The following GPM6A variants were observed in gnomAD, a reference collection of about 807,000 sequenced individuals.
GPM6A encodes glycoprotein M6A.
Under a neutral mutation model 32.1 loss-of-function variants are expected in GPM6A, and 7 were observed. The ratio of observed to expected loss-of-function variants is 0.22; its 90% CI spans 0.12 to 0.41. The LOEUF is 0.41. GPM6A is among the 10% of genes least tolerant of loss of function. GPM6A has a pLI of 1.00. For missense variants in GPM6A, 235 were observed against 347.2 expected, an observed-to-expected ratio of 0.68 and a Z score of 2.57; for synonymous variants, 130 against 123.4, an observed-to-expected ratio of 1.05 and a Z score of -0.35.
At chr4:175,722,887 T>TAAAA (rs33929858) in intron 1 of GPM6A, among the ~76,000 whole-genome samples, 3 of 148,268 alleles carry the variant, frequency 2.0e-5, no homozygotes, top group Admixed American at 6.7e-5. Context: ...ACAAAGAAAT[T>TAAAA]AAAAAAAAAA....
chr4:175,775,002 C>T (rs1004598827), intron 1 of GPM6A, among the ~76,000 whole-genome samples: 10 of 151,854 alleles, frequency 6.6e-5, no homozygotes, highest in Admixed American at 6.6e-4. Context: ...TATGGATGTA[C>T]AATAATATCA....
intron 1 of GPM6A, among the ~76,000 whole-genome samples, chr4:175,795,226 G>C (rs1003238624): frequency 6.6e-5 from 10 of 152,172 alleles, no homozygotes; most frequent in African/African-American, 2.4e-4. Flanking sequence ...AGGATGTAGA[G>C]TTGATTCAAC....
chr4:175,665,337 G>A (rs1467582651), intron 3 of GPM6A, among the ~76,000 whole-genome samples: 2 of 152,044 alleles, frequency 1.3e-5, no homozygotes, highest in Non-Finnish European at 2.9e-5. Flanking sequence ...GAGGGATAGG[G>A]ATTCTGTTTT....
chr4:175,852,705 A>G (rs916340621), intron 1 of GPM6A, among the ~76,000 whole-genome samples: 3 of 152,170 alleles, frequency 2.0e-5, no homozygotes, highest in African/African-American at 7.2e-5. Context: ...ATAGCACTTA[A>G]TTTCCCTCCT....
intron 1 of GPM6A, among the ~76,000 whole-genome samples, chr4:175,874,272 G>A (rs543062044): frequency 6.2e-4 from 94 of 152,248 alleles, no homozygotes; most frequent in African/African-American, 2.2e-3. Context: ...ATTTGTTAGA[G>A]AAAGAAAAAG....
At chr4:175,777,934 TTAAAG>T (rs888088328) in intron 1 of GPM6A, among the ~76,000 whole-genome samples, 22 of 152,214 alleles carry the variant, frequency 1.4e-4, no homozygotes, top group Admixed American at 3.3e-4. Flanking sequence ...AGTTTGACAT[TTAAAG>T]TAATGTTTTT....
At chr4:175,990,949 C>A (rs778807875) in intron 1 of GPM6A, among the ~76,000 whole-genome samples, 8 of 152,030 alleles carry the variant, frequency 5.3e-5, no homozygotes, top group Non-Finnish European at 8.8e-5. Context: ...ACTTACAAAT[C>A]GTATACTTGT....
chr4:175,996,108 G>T (rs1385880802), intron 1 of GPM6A, among the ~76,000 whole-genome samples: 1 of 151,998 alleles, frequency 6.6e-6, no homozygotes. Flanking sequence ...AAAATTTCTA[G>T]GTTGAAACTA....
intron 1 of GPM6A, among the ~76,000 whole-genome samples, chr4:175,705,422 C>T (rs192882077): frequency 6.6e-6 from 1 of 152,310 alleles, no homozygotes; most frequent in African/African-American, 2.4e-5. Context: ...TTTCATCACA[C>T]ACATTTCGCA....
intron 4 of GPM6A, among the ~76,000 whole-genome samples, chr4:175,649,552 T>C (rs1179604870): frequency 6.6e-6 from 1 of 152,160 alleles, no homozygotes; most frequent in Non-Finnish European, 1.5e-5. Flanking sequence ...TACTTAACTA[T>C]TTGCATTTAT....
At chr4:175,697,801 G>A (rs1261526716) in intron 2 of GPM6A, among the ~76,000 whole-genome samples, 1 of 152,124 alleles carries the variant, frequency 6.6e-6, no homozygotes, top group Non-Finnish European at 1.5e-5. Context: ...AGTATAATGG[G>A]TGATATCAGC....
chr4:175,903,975 G>A (rs1010409201), intron 1 of GPM6A, among the ~76,000 whole-genome samples: 1 of 152,124 alleles, frequency 6.6e-6, no homozygotes, highest in Admixed American at 6.6e-5. Context: ...GGAAATACAT[G>A]TGAAGAGAAT....
Position 175,833,411 on chromosome 4 carries a change from C to T in GPM6A, c.-22-21162G>A, listed in dbSNP as rs183474770. Among the ~76,000 whole-genome samples, 283 of 152,178 alleles carry T rather than the reference C, an allele frequency of 1.9e-3. 1 individual carries two copies. The highest frequency in any genetic ancestry group is 6.5e-3 in the African/African-American group (268 of 41,528). On this transcript the variant is annotated intron_variant, in intron 1 of 7. Transcript: ENST00000280187. ...GCAGAGACGCAGCTGAATGCTAGTC[C>T]GTTTGTTTTGTTATGTTTTGTTTTT...
chr4:175,982,856 T>A (rs956452333), intron 1 of GPM6A, among the ~76,000 whole-genome samples: 3 of 152,202 alleles, frequency 2.0e-5, no homozygotes, highest in Non-Finnish European at 2.9e-5. Flanking sequence ...AGTCCTCCAA[T>A]CAATTAATGT....
chr4:175,970,931 G>C (rs767578365), intron 1 of GPM6A: 6 of 456,156 alleles, frequency 1.3e-5, no homozygotes, highest in South Asian at 9.3e-5. Flanking sequence ...GAAGAACACA[G>C]GGTGCGGTAC....
At chr4:175,807,276 C>T (rs906347800) in intron 1 of GPM6A, 5 of 152,100 alleles carry the variant, frequency 3.3e-5, no homozygotes, top group Admixed American at 2.6e-4. Flanking sequence ...ATCAAGAATA[C>T]ACTAAAGAAA....
chr4:175,928,810 G>T (rs1202043015), intron 1 of GPM6A, among the ~76,000 whole-genome samples: 1 of 152,128 alleles, frequency 6.6e-6, no homozygotes, highest in African/African-American at 2.4e-5. Flanking sequence ...TTATAGTATA[G>T]TTTGGCCAAA....
chr4:175,741,826 C>G (rs111306806), intron 1 of GPM6A, among the ~76,000 whole-genome samples: 108 of 152,138 alleles, frequency 7.1e-4, no homozygotes, highest in African/African-American at 2.4e-3. Context: ...CTTAATGTTT[C>G]TGGGATGTCT....
chr4:175,958,985 G>T (rs550795347), intron 1 of GPM6A, among the ~76,000 whole-genome samples: 63 of 152,206 alleles, frequency 4.1e-4, no homozygotes, highest in African/African-American at 1.5e-3. Flanking sequence ...CAATAAAATT[G>T]CCTGGAATCC....
Sources: gnomAD v4.1 joint callset for allele counts (sites outside exome capture counted in the v4.1 genomes callset) on GRCh38, gnomAD v4.1.1 for gene constraint, MANE v1.5 for transcripts, NCBI Gene and HGNC (gene_info 2026-07-23, HGNC 2026-07-21) for gene names.